Variants in ADAMTS16 observed in about 807,000 individuals in gnomAD.
The protein encoded by ADAMTS16 is A disintegrin and metalloproteinase with thrombospondin motifs 16.
Under a neutral mutation model 145.8 loss-of-function variants are expected in ADAMTS16, and 94 were observed. The ratio of observed to expected loss-of-function variants is 0.64; its 90% CI spans 0.55 to 0.77. The LOEUF (loss-of-function observed/expected upper bound fraction) is 0.77, where lower values mean the gene tolerates loss of function less well. Among genes scored for constraint, ADAMTS16 ranks in the 30% least tolerant of loss-of-function variants. The pLI is 0.00. For missense variants in ADAMTS16, 1,585 were observed against 1,591.5 expected (o/e 1.00, Z 0.07); for synonymous variants, 659 against 604.3 (o/e 1.09, Z -1.33).
intron 8 of ADAMTS16, among the ~76,000 whole-genome samples, chr5:5,194,742 G>A (rs1047655263): frequency 1.4e-4 from 21 of 152,182 alleles, no homozygotes; most frequent in African/African-American, 5.1e-4. Flanking sequence ...TTTGATGCAT[G>A]GAGCAAACAT....
chr5:5,270,237 G>T (rs1251004691), intron 18 of ADAMTS16, among the ~76,000 whole-genome samples: 5 of 152,172 alleles, frequency 3.3e-5, no homozygotes, highest in African/African-American at 1.2e-4. Flanking sequence ...GGAGAAACAA[G>T]ATCTCCAGGC....
chr5:5,262,574 A>C, intron 17 of ADAMTS16, 83 bp from the exon 18 acceptor site: 1 of 1,525,866 alleles, frequency 6.6e-7, no homozygotes, highest in Non-Finnish European at 8.8e-7. Flanking sequence ...ATTCTTTGAA[A>C]GAGATTTTAT....
At chr5:5,242,613 A>G (rs1187883281) in intron 17 of ADAMTS16, among the ~76,000 whole-genome samples, 1 of 152,184 alleles carries the variant, frequency 6.6e-6, no homozygotes, top group African/African-American at 2.4e-5. Context: ...CGTTTCCTGG[A>G]AAGAGCTTTG....
intron 12 of ADAMTS16, among the ~76,000 whole-genome samples, chr5:5,233,098 C>G (rs1736989196): frequency 6.6e-6 from 1 of 152,126 alleles, no homozygotes; most frequent in South Asian, 2.1e-4. Flanking sequence ...ATTTACTTGA[C>G]ATACCAAGGA....
chr5:5,201,826 C>T (rs1006352045), intron 9 of ADAMTS16, among the ~76,000 whole-genome samples: 1 of 152,182 alleles, frequency 6.6e-6, no homozygotes, highest in Non-Finnish European at 1.5e-5. Flanking sequence ...CAAAGTTCCC[C>T]TATCCTATTA....
chr5:5,251,542 G>A (rs2913644), intron 17 of ADAMTS16, among the ~76,000 whole-genome samples: 147,133 of 152,318 alleles, frequency 0.97, 71,181 homozygotes, highest in Non-Finnish European at 1. Context: ...TTTTCTGTTG[G>A]GAAAACCCTG....
At chr5:5,168,920 C>A (rs1415164585) in intron 3 of ADAMTS16, among the ~76,000 whole-genome samples, 1 of 150,904 alleles carries the variant, frequency 6.6e-6, no homozygotes, top group Non-Finnish European at 1.5e-5. Flanking sequence ...TCTGGGATAG[C>A]CCCTGAGCCC....
chr5:5,223,778 AT>A (rs1736676435), intron 11 of ADAMTS16: 1 of 152,116 alleles, frequency 6.6e-6, no homozygotes. Flanking sequence ...TTATAATTAC[AT>A]TTTTTAAATA....
chr5:5,318,062 G>A (rs1187573314), intron 21 of ADAMTS16, 72 bp from the exon 22 acceptor site: 2 of 1,279,170 alleles, frequency 1.6e-6, no homozygotes. Context: ...TTTTAGAAAG[G>A]TGGGCACACT....
chr5:5,305,225 T>C (rs1358124855), intron 20 of ADAMTS16, among the ~76,000 whole-genome samples: 41 of 20,446 alleles, frequency 2.0e-3, no homozygotes, highest in South Asian at 6.4e-3. Flanking sequence ...CACACACACA[T>C]CCCACACCAC....
chr5:5,179,732 C>T (rs1333355777), intron 3 of ADAMTS16, among the ~76,000 whole-genome samples: 1 of 152,202 alleles, frequency 6.6e-6, no homozygotes, highest in Admixed American at 6.5e-5. Flanking sequence ...TCCCTCAATC[C>T]TGGGCATAAA....
At chr5:5,243,239 TA>T (rs942801733) in intron 17 of ADAMTS16, among the ~76,000 whole-genome samples, 33 of 152,352 alleles carry the variant, frequency 2.2e-4, no homozygotes, top group African/African-American at 6.5e-4. Flanking sequence ...ATGAAATAGT[TA>T]AATTATGGAT....
At position 5,140,481 on chromosome 5, in the gene ADAMTS16, C is replaced by T. The variant is rs752370037; in HGVS notation, c.14C>T (p.Ala5Val). 2.2e-5 allele frequency: 34 copies of T among 1,515,346 alleles called. No individual in the cohort carries two copies. The East Asian group carries it at 5.3e-4, about 24-fold the overall frequency. The allele number at this position is 1,515,346 out of a possible 1,614,324, so 93.9% of individuals were successfully genotyped here. Reference protein sequence around the residue: MKPRARGWRGLAALW... With the variant: MKPRVRGWRGLAALW... ...GAGCGCTCCTGGATGAAGCCCCGCG[C>T]GCGCGGATGGCGGGGCTTGGCGGCG... Residue 5 changes from alanine (A) to valine (V), a missense_variant, in exon 1 of 23, where the codon GCG becomes GTG. Physicochemically the swap from Ala to Val is moderately conservative, Grantham distance 64. This residue lies in a region of ADAMTS16 where 453 missense variants were observed against 412.1 expected (regional missense o/e 1.10). Coordinates refer to ENST00000274181, the MANE Select transcript of ADAMTS16 (RefSeq NM_139056.4).
intron 18 of ADAMTS16, among the ~76,000 whole-genome samples, chr5:5,272,359 GA>G (rs1560980710): frequency 9.4e-6 from 1 of 105,966 alleles, no homozygotes; most frequent in Non-Finnish European, 2.0e-5. Context: ...AATTCCAAAG[GA>G]TTTTTTTTTT....
At chr5:5,199,430 C>T (rs1010934916) in intron 8 of ADAMTS16, among the ~76,000 whole-genome samples, 27 of 152,110 alleles carry the variant, frequency 1.8e-4, no homozygotes, top group African/African-American at 6.3e-4. Flanking sequence ...CTTCTTCAAA[C>T]GACACCCATA....
chr5:5,311,008 C>T (rs867150588), intron 21 of ADAMTS16, among the ~76,000 whole-genome samples: 29 of 152,060 alleles, frequency 1.9e-4, no homozygotes, highest in African/African-American at 5.6e-4. Flanking sequence ...ACTGAATGCC[C>T]GTGGCTTCTG....
intron 17 of ADAMTS16, among the ~76,000 whole-genome samples, chr5:5,249,774 TC>T (rs1737564662): frequency 6.6e-6 from 1 of 152,178 alleles, no homozygotes; most frequent in Non-Finnish European, 1.5e-5. Flanking sequence ...CACCCTGCCC[TC>T]TTGGTACCCG....
At chr5:5,161,210 A>G (rs1044916744) in intron 3 of ADAMTS16, among the ~76,000 whole-genome samples, 1 of 152,248 alleles carries the variant, frequency 6.6e-6, no homozygotes, top group African/African-American at 2.4e-5. Context: ...ATTCCATTGT[A>G]CAGTTTGCAG....
intron 17 of ADAMTS16, among the ~76,000 whole-genome samples, chr5:5,260,566 C>T (rs530008503): frequency 6.6e-6 from 1 of 152,270 alleles, no homozygotes; most frequent in African/African-American, 2.4e-5. Context: ...TGTGAGGGTC[C>T]TATGTAACCA....
Sources: gnomAD v4.1 joint callset for allele counts (sites outside exome capture counted in the v4.1 genomes callset) on GRCh38, gnomAD v4.1.1 for gene constraint, gnomAD v4.1.1 regional missense constraint, MANE v1.5 for transcripts, NCBI Gene and HGNC (gene_info 2026-07-23, HGNC 2026-07-21) for gene names.